Variants in EYA2 observed in about 807,000 individuals in gnomAD.
EYA2 encodes protein phosphatase EYA2.
A neutral mutation model predicts 69.2 loss-of-function variants in EYA2; 31 were observed. The observed-to-expected ratio is 0.45, with a 90% confidence interval of 0.34 to 0.60. The LOEUF (loss-of-function observed/expected upper bound fraction) is 0.60, where lower values mean the gene tolerates loss of function less well. Ranked by LOEUF, EYA2 falls within the 20% of genes least tolerant of loss-of-function variation. The probability of loss-of-function intolerance (pLI) is 0.02; values close to 1 mark genes in which losing one functional copy is unlikely to be tolerated. For synonymous variants in EYA2, 257 were observed against 279.4 expected (o/e 0.92, Z 0.80); for missense variants, 622 against 701.2 (o/e 0.89, Z 1.28).
chr20:46,960,228 G>C (rs977393929), intron 1 of EYA2, among the ~76,000 whole-genome samples: 1 of 152,130 alleles, frequency 6.6e-6, no homozygotes, highest in Non-Finnish European at 1.5e-5. Flanking sequence ...TGCAACCTAG[G>C]AGATGGACAC....
chr20:46,998,979 G>C (rs527299525), intron 2 of EYA2, among the ~76,000 whole-genome samples: 1 of 152,220 alleles, frequency 6.6e-6, no homozygotes, highest in Non-Finnish European at 1.5e-5. Flanking sequence ...GTGGGGGAGG[G>C]GAACCTGTCT....
At chr20:47,133,589 G>T (rs2033393028) in intron 9 of EYA2, among the ~76,000 whole-genome samples, 1 of 152,066 alleles carries the variant, frequency 6.6e-6, no homozygotes, top group African/African-American at 2.4e-5. Context: ...AACTCACAAG[G>T]CTCAGAGAAG....
chr20:47,078,311 GTGCA>G (rs1191064408), intron 7 of EYA2, among the ~76,000 whole-genome samples: 1 of 130,708 alleles, frequency 7.7e-6, no homozygotes. Context: ...GTGTGCACAT[GTGCA>G]CGTGCGCGCG....
At chr20:47,063,394 T>TGTGTGTGTGTGTGTGTGTGC (rs2030978468) in intron 5 of EYA2, among the ~76,000 whole-genome samples, 3 of 23,862 alleles carry the variant, frequency 1.3e-4, no homozygotes, top group Admixed American at 9.2e-4. Flanking sequence ...TGCGTGTGCG[T>TGTGTGTGTGTGTGTGTGTGC]GTGTGTGTGT....
chr20:47,085,009 T>C (rs895064099), intron 7 of EYA2, among the ~76,000 whole-genome samples: 7 of 151,902 alleles, frequency 4.6e-5, no homozygotes, highest in Non-Finnish European at 1.0e-4. Context: ...TTAATTTTTG[T>C]ATTTTTTGTA....
chr20:47,072,285 G>C, intron 6 of EYA2, 33 bp downstream of exon 6: 1 of 1,584,884 alleles, frequency 6.3e-7, no homozygotes, highest in Non-Finnish European at 8.6e-7. Flanking sequence ...TCTTTCCTCA[G>C]TTCTTTCTGG....
intron 1 of EYA2, among the ~76,000 whole-genome samples, chr20:46,948,279 C>T (rs79336874): frequency 2.0e-5 from 3 of 152,152 alleles, no homozygotes; most frequent in South Asian, 2.1e-4. Context: ...GCAGTTGTCA[C>T]GTAAAAACAG....
intron 7 of EYA2, among the ~76,000 whole-genome samples, 179 bp downstream of exon 7, chr20:47,074,514 G>A (rs1280348474): frequency 1.3e-5 from 2 of 152,188 alleles, no homozygotes; most frequent in African/African-American, 2.4e-5. Flanking sequence ...TCACAAACAG[G>A]CTCCCAAGGG....
intron 9 of EYA2, among the ~76,000 whole-genome samples, chr20:47,109,841 A>G (rs533416860): frequency 9.2e-5 from 14 of 152,324 alleles, no homozygotes; most frequent in African/African-American, 3.4e-4. Context: ...GGTAGAAGCC[A>G]GGGATGCTGC....
At chr20:47,143,706 T>C (rs1279050590) in intron 10 of EYA2, among the ~76,000 whole-genome samples, 1 of 152,142 alleles carries the variant, frequency 6.6e-6, no homozygotes, top group African/African-American at 2.4e-5. Context: ...GCTTCAAAAA[T>C]AAATTGAATT....
intron 1 of EYA2, among the ~76,000 whole-genome samples, chr20:46,981,432 G>A (rs1980826748): frequency 6.6e-6 from 1 of 152,188 alleles, no homozygotes; most frequent in African/African-American, 2.4e-5. Flanking sequence ...TCTCAAGTCA[G>A]GGTCATGTTT....
At chr20:46,976,491 T>C (rs1296924653) in intron 1 of EYA2, among the ~76,000 whole-genome samples, 1 of 152,162 alleles carries the variant, frequency 6.6e-6, no homozygotes, top group African/African-American at 2.4e-5. Flanking sequence ...GTTCACGCCA[T>C]TCTCCTGCCT....
intron 9 of EYA2, among the ~76,000 whole-genome samples, chr20:47,140,852 G>A (rs1005685953): frequency 2.0e-5 from 3 of 152,128 alleles, no homozygotes; most frequent in Non-Finnish European, 4.4e-5. Context: ...ACCTGGTGAG[G>A]GCCTCAAGCT....
chr20:46,987,411 G>A (rs781501099), intron 1 of EYA2, among the ~76,000 whole-genome samples: 1 of 152,192 alleles, frequency 6.6e-6, no homozygotes. Flanking sequence ...TGGCTTACGG[G>A]CCATAGGTAG....
chr20:46,938,008 AT>A (rs2146259267), intron 1 of EYA2, among the ~76,000 whole-genome samples: 1 of 152,302 alleles, frequency 6.6e-6, no homozygotes, highest in South Asian at 2.1e-4. Flanking sequence ...ATCTTATCTT[AT>A]CCCCATTGCA....
At chr20:47,123,526 C>T (rs1297417111) in intron 9 of EYA2, among the ~76,000 whole-genome samples, 3 of 152,096 alleles carry the variant, frequency 2.0e-5, no homozygotes, top group Admixed American at 2.0e-4. Flanking sequence ...CTTAATATTA[C>T]CCTTTCACTT....
intron 9 of EYA2, among the ~76,000 whole-genome samples, chr20:47,120,999 A>G (rs1443502473): frequency 6.6e-6 from 1 of 152,176 alleles, no homozygotes; most frequent in Non-Finnish European, 1.5e-5. Context: ...AATATTTGAT[A>G]GCATTCTCCC....
chr20:47,029,326 C>T (rs781414671), intron 5 of EYA2, among the ~76,000 whole-genome samples: 37 of 152,224 alleles, frequency 2.4e-4, no homozygotes, highest in African/African-American at 7.2e-4. Context: ...AGGAGCTTAT[C>T]GAAGACATGC....
chr20:46,913,992 C>T (rs1394091974), intron 1 of EYA2, among the ~76,000 whole-genome samples: 2 of 152,218 alleles, frequency 1.3e-5, no homozygotes, highest in Non-Finnish European at 2.9e-5. Flanking sequence ...CCAGGCCTCC[C>T]ACCCCTTTAC....
Sources: gnomAD v4.1 joint callset for allele counts (sites outside exome capture counted in the v4.1 genomes callset) on GRCh38, gnomAD v4.1.1 for gene constraint, MANE v1.5 for transcripts, NCBI Gene and HGNC (gene_info 2026-07-23, HGNC 2026-07-21) for gene names.